Variants in LRBA observed in about 807,000 individuals in gnomAD.
The protein encoded by LRBA is LPS responsive beige-like anchor protein.
Under a neutral mutation model 330.0 loss-of-function variants are expected in LRBA, and 176 were observed. That is an observed-to-expected ratio of 0.53 (90% confidence interval 0.47 to 0.60). The LOEUF is 0.60. Among genes scored for constraint, LRBA ranks in the 20% least tolerant of loss-of-function variants. LRBA has a pLI of 0.00. For missense variants in LRBA, 3,259 were observed against 3,444.8 expected (o/e 0.95, Z 1.35); for synonymous variants, 1,230 against 1,193.0 (o/e 1.03, Z -0.64).
At chr4:150,310,063 T>C (rs1730858327) in intron 52 of LRBA, among the ~76,000 whole-genome samples, 166 bp downstream of exon 52, 1 of 152,190 alleles carries the variant, frequency 6.6e-6, no homozygotes, top group Non-Finnish European at 1.5e-5. Context: ...GTGGACTATA[T>C]ATAGTAGATT....
intron 48 of LRBA, among the ~76,000 whole-genome samples, chr4:150,334,071 A>C (rs993388001): frequency 6.6e-6 from 1 of 152,188 alleles, no homozygotes; most frequent in African/African-American, 2.4e-5. Flanking sequence ...AATAGTTTTT[A>C]GTTGTCAGAG....
At chr4:150,930,018 T>A (rs1198913776) in intron 2 of LRBA, among the ~76,000 whole-genome samples, 2 of 152,022 alleles carry the variant, frequency 1.3e-5, no homozygotes, top group Non-Finnish European at 1.5e-5. Context: ...AAAGTGAACT[T>A]TAAAAAACAA....
intron 2 of LRBA, among the ~76,000 whole-genome samples, chr4:150,933,365 CA>C (rs60766197): frequency 0.17 from 13,419 of 78,944 alleles, 1,160 homozygotes; most frequent in African/African-American, 0.37. Flanking sequence ...GACTCTGTCT[CA>C]AAAAAAAAAA....
intron 44 of LRBA, among the ~76,000 whole-genome samples, chr4:150,454,710 T>C (rs2152036716): frequency 6.6e-6 from 1 of 152,184 alleles, no homozygotes; most frequent in Middle Eastern, 3.4e-3. Flanking sequence ...CCATAGGTGA[T>C]CTTTCATCCC....
At chr4:150,587,983 C>T in intron 40 of LRBA, 65 bp downstream of exon 40, 3 of 1,535,960 alleles carry the variant, frequency 2.0e-6, no homozygotes, top group East Asian at 4.6e-5. Context: ...TTACCAATCC[C>T]AATCCTATCC....
At chr4:150,569,599 C>T (rs527958418) in intron 40 of LRBA, among the ~76,000 whole-genome samples, 1 of 152,240 alleles carries the variant, frequency 6.6e-6, no homozygotes, top group East Asian at 1.9e-4. Flanking sequence ...TTTATCTCAT[C>T]GTACATCTTT....
chr4:150,855,361 T>A (rs1336237720), intron 22 of LRBA, among the ~76,000 whole-genome samples: 1 of 152,194 alleles, frequency 6.6e-6, no homozygotes, highest in Non-Finnish European at 1.5e-5. Flanking sequence ...AGAAAGCAAG[T>A]TACATATTAC....
intron 37 of LRBA, among the ~76,000 whole-genome samples, chr4:150,655,991 T>A (rs1780150411): frequency 6.6e-6 from 1 of 152,202 alleles, no homozygotes; most frequent in Non-Finnish European, 1.5e-5. Flanking sequence ...ACTTGTAGGA[T>A]CTTCACATTT....
At chr4:150,495,895 T>A (rs1759535457) in intron 40 of LRBA, among the ~76,000 whole-genome samples, 1 of 152,296 alleles carries the variant, frequency 6.6e-6, no homozygotes, top group South Asian at 2.1e-4. Flanking sequence ...AAATCTTTAC[T>A]CTCTTTGAAT....
At position 150,644,120 on chromosome 4, in the gene LRBA, T is replaced by A. The variant is rs192574381; in HGVS notation, c.5921+39431A>T. ...AGAAACGTAGACTTTAAATAACATG[T>A]TTTTAAAGGCATAGTGGAGTCTGAA... On this transcript the variant is annotated intron_variant, in intron 37 of 56. Transcript: ENST00000651943. Among the ~76,000 whole-genome samples, 4 of 152,048 alleles carry A rather than the reference T, an allele frequency of 2.6e-5. No individual in the cohort carries two copies. In the South Asian group the frequency reaches 6.2e-4, roughly 24 times the overall value.
At chr4:150,912,688 T>G (rs1278876081) in intron 9 of LRBA, among the ~76,000 whole-genome samples, 2 of 152,212 alleles carry the variant, frequency 1.3e-5, no homozygotes, top group Non-Finnish European at 1.5e-5. Context: ...TGGGGACTGC[T>G]GCTCTATTTC....
In LRBA at chr4:150,643,303, GCAAT is replaced by G. The variant is rs1373565228; in HGVS notation, c.5921+40244_5921+40247del. 6.6e-5 allele frequency among the ~76,000 whole-genome samples: 10 copies of G among 151,730 alleles called. No homozygotes were observed. In the East Asian group the frequency reaches 1.4e-3, roughly 21 times the overall value. On this transcript the variant is annotated intron_variant, in intron 37 of 56. Coordinates refer to ENST00000651943, the MANE Select transcript of LRBA (RefSeq NM_001364905.1). Reference sequence around the variant, plus strand: ...AGACACCAGTAAACAGAAGAAATTAGCAATCAAAGAAAAAATTAATTTATAATAA... The same window carrying G: ...AGACACCAGTAAACAGAAGAAATTAGCAAAGAAAAAATTAATTTATAATAA...
Position 150,658,873 on chromosome 4 carries a change from G to C in LRBA, c.5921+24678C>G, listed in dbSNP as rs1461039724. 7.1e-5 allele frequency among the ~76,000 whole-genome samples: 2 copies of C among 28,246 alleles called. 1 individual carries two copies. Among genetic ancestry groups the C allele is most frequent in the Non-Finnish European group, 4.8e-4 (2 of 4,124 alleles). 18.5% of individuals were successfully genotyped at this position (28,246 alleles called of 152,430 possible). On this transcript the variant is annotated intron_variant, in intron 37 of 56. Coordinates refer to ENST00000651943, the MANE Select transcript of LRBA (RefSeq NM_001364905.1). ...CCTGATTCTCCTGCCTCAGTCTGCC[G>C]AGCGCCGCCACGCCTGACTGGTTTT...
intron 2 of LRBA, among the ~76,000 whole-genome samples, chr4:150,946,295 AT>A (rs1472152080): frequency 1.3e-5 from 2 of 152,226 alleles, no homozygotes; most frequent in African/African-American, 4.8e-5. Context: ...TGACATTTAT[AT>A]AAGACTCCAC....
intron 40 of LRBA, among the ~76,000 whole-genome samples, chr4:150,560,444 C>T (rs923816358): frequency 6.6e-6 from 1 of 152,018 alleles, no homozygotes; most frequent in Non-Finnish European, 1.5e-5. Context: ...CCTGTGATGT[C>T]CTCTGTGACC....
chr4:150,871,654 G>C (rs958013079), intron 18 of LRBA, among the ~76,000 whole-genome samples: 2 of 151,606 alleles, frequency 1.3e-5, no homozygotes, highest in Non-Finnish European at 2.9e-5. Context: ...TATAAGCATA[G>C]CCGAAGTTAA....
chr4:150,741,394 G>C (rs1468606851), intron 35 of LRBA, among the ~76,000 whole-genome samples: 1 of 152,040 alleles, frequency 6.6e-6, no homozygotes, highest in Non-Finnish European at 1.5e-5. Flanking sequence ...TGGTGAATAA[G>C]ATTATGAAAA....
In LRBA at chr4:150,325,879, C is replaced by T; in HGVS notation, c.7382G>A (p.Arg2461Gln). The T allele has an allele frequency of 6.8e-6, 11 of 1,612,448 alleles. No individual in the cohort carries two copies. The highest frequency in any genetic ancestry group is 8.5e-6 in the Non-Finnish European group (10 of 1,178,932). Residue 2461 changes from arginine (R) to glutamine (Q), a missense_variant, in exon 49 of 57, where the codon CGA becomes CAA. Transcript: ENST00000651943. Reference sequence around the variant, plus strand: ...TTGAGAAGGAGTCTGTCCAAAACTTCGGATTTGAGCTTCAACAGCCTGAAA... The same window carrying T: ...TTGAGAAGGAGTCTGTCCAAAACTTTGGATTTGAGCTTCAACAGCCTGAAA... ...VLREAVEAQI[R>Q]SFGQTPSQLL...
intron 48 of LRBA, among the ~76,000 whole-genome samples, chr4:150,344,596 C>G (rs1343178867): frequency 6.6e-6 from 1 of 152,210 alleles, no homozygotes; most frequent in African/African-American, 2.4e-5. Context: ...GGGTCTTACT[C>G]TGTCGCCCAG....
Sources: allele counts gnomAD v4.1 joint callset (sites outside exome capture counted in the v4.1 genomes callset), GRCh38; gene constraint gnomAD v4.1.1; transcripts MANE v1.5; gene names NCBI Gene and HGNC (gene_info 2026-07-23, HGNC 2026-07-21).